ATM: variants seen among roughly 807,000 people sequenced by gnomAD.
The protein encoded by ATM is ATM serine/threonine kinase.
A neutral mutation model predicts 387.0 loss-of-function variants in ATM; 308 were observed. The observed-to-expected ratio is 0.80, with a 90% CI of 0.73 to 0.87. The LOEUF (loss-of-function observed/expected upper bound fraction) is 0.87, where lower values mean the gene tolerates loss of function less well. Ranked by LOEUF, ATM falls within the 40% of genes least tolerant of loss-of-function variation. ATM has a pLI of 0.00. For missense variants in ATM, 3,312 were observed against 3,560.9 expected, an observed-to-expected ratio of 0.93 and a Z score of 1.78; for synonymous variants, 1,156 against 1,187.3, an observed-to-expected ratio of 0.97 and a Z score of 0.54.
chr11:108,256,452 C>G (rs1435713062), intron 14 of ATM, 112 bp downstream of exon 14: 1 of 1,114,526 alleles, frequency 9.0e-7, no homozygotes, highest in African/African-American at 1.6e-5. Flanking sequence ...TTAACCCTTT[C>G]TCTTTTATTT....
intron 34 of ATM, 27 bp downstream of exon 34, chr11:108,299,912 T>C (rs752910157): frequency 2.5e-6 from 4 of 1,579,172 alleles, no homozygotes; most frequent in South Asian, 1.1e-5. Context: ...ACCTTATATG[T>C]AATCTCAATA....
chr11:108,322,898 G>A (rs1352000718), intron 45 of ATM, among the ~76,000 whole-genome samples: 2 of 151,542 alleles, frequency 1.3e-5, no homozygotes, highest in Non-Finnish European at 2.9e-5. Context: ...TAAAAGAAGT[G>A]GAAGAGTTGT....
At chr11:108,271,642 T>C (rs1340201332) in intron 20 of ATM, among the ~76,000 whole-genome samples, 4 of 152,240 alleles carry the variant, frequency 2.6e-5, no homozygotes, top group Non-Finnish European at 5.9e-5. Context: ...TTTGAATCAC[T>C]TAATAATTTG....
chr11:108,306,149 T>C (rs2083677526), intron 37 of ATM, among the ~76,000 whole-genome samples: 1 of 152,236 alleles, frequency 6.6e-6, no homozygotes, highest in African/African-American at 2.4e-5. Flanking sequence ...CTTTATATTT[T>C]ATGTATTTTA....
intron 25 of ATM, 72 bp downstream of exon 25, chr11:108,282,951 C>T (rs2082312655): frequency 3.1e-6 from 3 of 977,602 alleles, no homozygotes; most frequent in Non-Finnish European, 3.1e-6. Context: ...CAAGTCCCCT[C>T]ACCAGCAACA....
chr11:108,284,532 A>C, intron 26 of ATM, 59 bp downstream of exon 26: 1 of 1,593,732 alleles, frequency 6.3e-7, no homozygotes, highest in Non-Finnish European at 8.6e-7. Flanking sequence ...TATAACCTTT[A>C]AGTTTTAAGG....
chr11:108,305,812 C>T (rs2083662972), intron 37 of ATM, among the ~76,000 whole-genome samples: 1 of 152,016 alleles, frequency 6.6e-6, no homozygotes, highest in African/African-American at 2.4e-5. Context: ...CATTATGGGT[C>T]AGTTTTTTAA....
Position 108,243,958 on chromosome 11 carries a change from TTC to T in ATM, c.506_507del (p.Ser169CysfsTer15). 6.4e-7 allele frequency: 1 copy of T among 1,573,846 alleles called. No homozygotes were observed. Among genetic ancestry groups the T allele is most frequent in the Non-Finnish European group, 8.6e-7 (1 of 1,158,418 alleles). ...EISQQQWLELFSVYFRLYLKP... is the reference protein window; with the variant it reads ...EISQQQWLELXSVYFRLYLKP... ...AATTTTTTTTTTTTTTTAAGAATTG[TTC>T]TCTGTGTACTTCAGGCTCTATCTGA... On this transcript the variant is annotated frameshift_variant, in exon 6 of 63. Coordinates refer to ENST00000675843, the MANE Select transcript of ATM (RefSeq NM_000051.4). LOFTEE classifies it high-confidence loss of function.
chr11:108,293,890 A>ATATAT (rs1302293674), intron 31 of ATM, among the ~76,000 whole-genome samples: 9 of 110,164 alleles, frequency 8.2e-5, no homozygotes, highest in East Asian at 2.4e-4. Context: ...AAAAAAAAAA[A>ATATAT]AAAAATATAT....
At chr11:108,223,896 C>T (rs1254396813) in intron 1 of ATM, 1 of 152,102 alleles carries the variant, frequency 6.6e-6, no homozygotes, top group Non-Finnish European at 1.5e-5. Flanking sequence ...GTAGAAGGAC[C>T]CTGAAGCTCC....
chr11:108,284,111 G>A, intron 25 of ATM, 116 bp from the exon 26 acceptor site: 2 of 749,536 alleles, frequency 2.7e-6, no homozygotes, highest in Non-Finnish European at 4.1e-6. Context: ...TAATAATCTG[G>A]ATAAAGTATG....
intron 32 of ATM, 195 bp from the exon 33 acceptor site, chr11:108,297,092 T>A: frequency 3.5e-6 from 2 of 571,308 alleles, no homozygotes; most frequent in Non-Finnish European, 6.2e-6. Flanking sequence ...ATATTGCTAA[T>A]CACTTTCAAA....
intron 47 of ATM, among the ~76,000 whole-genome samples, chr11:108,326,730 A>G (rs953668840): frequency 6.6e-6 from 1 of 152,264 alleles, no homozygotes; most frequent in African/African-American, 2.4e-5. Flanking sequence ...CACTGGATAA[A>G]GTAGAGGCAT....
intron 5 of ATM, among the ~76,000 whole-genome samples, chr11:108,243,711 C>T (rs1182455085): frequency 6.6e-6 from 1 of 152,202 alleles, no homozygotes; most frequent in Non-Finnish European, 1.5e-5. Context: ...AGTAATGTTT[C>T]TGCGACCTGG....
At chr11:108,262,769 A>G (rs2080979690) in intron 16 of ATM, among the ~76,000 whole-genome samples, 1 of 149,462 alleles carries the variant, frequency 6.7e-6, no homozygotes, top group Non-Finnish European at 1.5e-5. Flanking sequence ...CATAGGCTCA[A>G]AATAAAAGGA....
At chr11:108,309,072 C>T (rs901515161) in intron 38 of ATM, 6 of 1,470,656 alleles carry the variant, frequency 4.1e-6, no homozygotes, top group Non-Finnish European at 5.5e-6. Context: ...AAGAATATTC[C>T]TGGAGAAAGT....
intron 25 of ATM, among the ~76,000 whole-genome samples, chr11:108,283,097 A>C (rs940292229): frequency 2.6e-5 from 4 of 152,232 alleles, no homozygotes; most frequent in African/African-American, 7.2e-5. Flanking sequence ...ACAACCAGCT[A>C]TCTGACTTTG....
rs1400094698 is a variant in ATM, at chr11:108,268,451, G to C, written c.2680G>C (p.Asp894His). Residue 894 changes from aspartate (D) to histidine (H), a missense_variant, in exon 18 of 63, where the codon GAT (aspartate) becomes CAT (histidine). Asp to His is a moderately conservative substitution (Grantham distance 81). Around this residue, in one of 4 missense-constraint regions of ATM, gnomAD observed 1,791 missense variants for 1,804.5 expected, o/e 0.99. Coordinates refer to ENST00000675843, the MANE Select transcript of ATM (RefSeq NM_000051.4). ...PLAEEYLSKQ[D>H]LLFLDMLKFL... ...AGCTGAAGAATATCTGTCAAAGCAA[G>C]ATCTACTTTTCTTAGACATGCTCAA... 6.2e-7 allele frequency: 1 copy of C among 1,613,964 alleles called. No homozygotes were observed. The highest frequency in any genetic ancestry group is 1.7e-5 in the Admixed American group (1 of 60,012).
At chr11:108,337,680 A>G (rs919874852) in intron 56 of ATM, among the ~76,000 whole-genome samples, 29 of 152,352 alleles carry the variant, frequency 1.9e-4, no homozygotes, top group Admixed American at 1.7e-3. Flanking sequence ...TTGATGATCT[A>G]TTAGCTATCT....
Sources: allele counts gnomAD v4.1 joint callset (sites outside exome capture counted in the v4.1 genomes callset), GRCh38; gene constraint gnomAD v4.1.1; regional missense constraint gnomAD v4.1.1; transcripts MANE v1.5; gene names NCBI Gene and HGNC (gene_info 2026-07-23, HGNC 2026-07-21).